Variants in MICAL3 observed in about 807,000 individuals in gnomAD.
MICAL3 encodes [F-actin]-monooxygenase MICAL3.
In MICAL3, 62 loss-of-function variants were observed where a neutral mutation model predicts 207.4. That is an observed-to-expected ratio of 0.30 (90% CI 0.24 to 0.37). The LOEUF is 0.37. Among genes scored for constraint, MICAL3 ranks in the 10% least tolerant of loss-of-function variants. The probability of loss-of-function intolerance (pLI) is 1.00; values close to 1 mark genes in which losing one functional copy is unlikely to be tolerated. For missense variants in MICAL3, 2,368 were observed against 2,635.6 expected (o/e 0.90, Z 2.22); for synonymous variants, 1,077 against 1,069.3 (o/e 1.01, Z -0.14).
intron 21 of MICAL3, among the ~76,000 whole-genome samples, chr22:17,830,633 C>A (rs534614600): frequency 1.8e-4 from 28 of 152,332 alleles, no homozygotes; most frequent in Non-Finnish European, 3.7e-4. Context: ...TCCGCAGACA[C>A]GGCAGCATGG....
At chr22:17,884,759 G>A (rs954484463) in intron 16 of MICAL3, among the ~76,000 whole-genome samples, 5 of 152,110 alleles carry the variant, frequency 3.3e-5, no homozygotes, top group Admixed American at 3.3e-4. Context: ...GGGCACCTGG[G>A]GCTGCCAGAG....
At position 17,841,289 on chromosome 22, in the gene MICAL3, C is replaced by T; in HGVS notation, c.2801+533G>A. 1 of 176,768 alleles carries T rather than the reference C, an allele frequency of 5.7e-6. No individual in the cohort carries two copies. The highest frequency in any genetic ancestry group is 1.4e-4 in the South Asian group (1 of 6,982). 10.9% of individuals were successfully genotyped at this position (176,768 alleles called of 1,614,324 possible). A position where few individuals can be genotyped will look rare whatever the true frequency, so the allele number is the denominator to read the frequency against. On this transcript the variant is annotated intron_variant, in intron 20 of 31. Coordinates refer to ENST00000441493, the MANE Select transcript of MICAL3 (RefSeq NM_015241.3). This position sits in a 1 kb window ranked among gnomAD's most constrained non-coding sequence, Gnocchi z 4.2. ...AGTCCTAGGGTTATAGCATGCACAT[C>T]CCCAAAGGTGTCACCCAGCTGGATG...
chr22:17,930,007 CAGA>C (rs1350878531), intron 1 of MICAL3, among the ~76,000 whole-genome samples: 6 of 152,140 alleles, frequency 3.9e-5, no homozygotes, highest in African/African-American at 1.4e-4. Context: ...GAAAAACGGG[CAGA>C]AGATTTGATC....
chr22:17,998,108 C>A (rs1322647834), intron 1 of MICAL3, among the ~76,000 whole-genome samples: 3 of 152,122 alleles, frequency 2.0e-5, no homozygotes, highest in Non-Finnish European at 4.4e-5. Context: ...TCGAGACCAG[C>A]CTGACCAACA....
intron 25 of MICAL3, among the ~76,000 whole-genome samples, chr22:17,820,187 A>C (rs1007374441): frequency 6.6e-5 from 10 of 151,530 alleles, no homozygotes; most frequent in Admixed American, 2.6e-4. Flanking sequence ...GCTTCCTAGA[A>C]TCCCAAAGAC....
Position 17,790,934 on chromosome 22 carries a change from C to A in MICAL3, c.5825-18G>T. The A allele has an allele frequency of 6.2e-7, 1 of 1,613,382 alleles. No homozygotes were observed. Among genetic ancestry groups the A allele is most frequent in the Non-Finnish European group, 8.5e-7 (1 of 1,179,838 alleles). On this transcript the variant is annotated intron_variant, in intron 31 of 31. Transcript: ENST00000441493. Reference sequence around the variant, plus strand: ...AAGGTGATCTTGAAGGAGAAGAAGGCATGAGGTGAGGGGCCTGGAGGTGGC... The same window carrying A: ...AAGGTGATCTTGAAGGAGAAGAAGGAATGAGGTGAGGGGCCTGGAGGTGGC...
intron 3 of MICAL3, among the ~76,000 whole-genome samples, chr22:17,903,397 G>A (rs1234908250): frequency 2.6e-5 from 4 of 152,170 alleles, no homozygotes; most frequent in African/African-American, 7.2e-5. Context: ...GCATGGCAGC[G>A]ACTTAAGGTG....
intron 1 of MICAL3, among the ~76,000 whole-genome samples, chr22:17,960,470 AG>A (rs1386179991): frequency 1.3e-5 from 2 of 152,218 alleles, no homozygotes; most frequent in African/African-American, 4.8e-5. Context: ...GCTTCGTTCT[AG>A]TGAGGGGACA....
intron 27 of MICAL3, chr22:17,813,263 G>A (rs997206141): frequency 6.6e-6 from 1 of 152,206 alleles, no homozygotes; most frequent in South Asian, 2.1e-4. Flanking sequence ...TGCTCTTGTG[G>A]TCTCACCAGC....
chr22:17,868,051 A>C (rs1927329182), intron 17 of MICAL3, among the ~76,000 whole-genome samples: 4 of 152,240 alleles, frequency 2.6e-5, no homozygotes, highest in African/African-American at 9.6e-5. Flanking sequence ...CTAATCAAAA[A>C]GTTCCAGAAA....
intron 1 of MICAL3, among the ~76,000 whole-genome samples, chr22:18,020,778 G>A (rs1385293641): frequency 4.0e-5 from 6 of 151,696 alleles, no homozygotes; most frequent in Non-Finnish European, 8.8e-5. Flanking sequence ...GCCGGGTATG[G>A]TGGTGGGCAC....
At chr22:17,926,640 T>C (rs1932934939) in intron 1 of MICAL3, among the ~76,000 whole-genome samples, 1 of 152,234 alleles carries the variant, frequency 6.6e-6, no homozygotes, top group African/African-American at 2.4e-5. Flanking sequence ...AAAACTGCCA[T>C]CTACCTAAGT....
chr22:17,914,821 T>C (rs1318480204), intron 1 of MICAL3, among the ~76,000 whole-genome samples: 6 of 152,250 alleles, frequency 3.9e-5, no homozygotes, highest in African/African-American at 9.6e-5. Context: ...TATGTATCAG[T>C]TGGCATTCTG....
intron 1 of MICAL3, among the ~76,000 whole-genome samples, chr22:17,927,120 C>G (rs1193551686): frequency 6.6e-6 from 1 of 152,178 alleles, no homozygotes; most frequent in Non-Finnish European, 1.5e-5. Context: ...TGGTTGTCAC[C>G]ATTCTACTCT....
intron 16 of MICAL3, among the ~76,000 whole-genome samples, chr22:17,874,877 T>G (rs1240438637): frequency 6.6e-6 from 1 of 151,594 alleles, no homozygotes; most frequent in East Asian, 1.9e-4. Flanking sequence ...TATGCTACCA[T>G]GCACATAGGA....
chr22:17,903,151 T>G (rs577493982), intron 3 of MICAL3, among the ~76,000 whole-genome samples: 69 of 152,346 alleles, frequency 4.5e-4, no homozygotes, highest in African/African-American at 1.7e-3. Context: ...GATGCAGAGC[T>G]GCTGCATGAC....
intron 17 of MICAL3, among the ~76,000 whole-genome samples, chr22:17,871,210 A>T (rs1927692408): frequency 6.6e-6 from 1 of 152,242 alleles, no homozygotes; most frequent in Non-Finnish European, 1.5e-5. Context: ...GTCTGTGTGC[A>T]GAATTCTCTA....
At chr22:17,993,208 G>A (rs1921891247) in intron 1 of MICAL3, among the ~76,000 whole-genome samples, 1 of 151,806 alleles carries the variant, frequency 6.6e-6, no homozygotes, top group African/African-American at 2.4e-5. Context: ...TGTTCCATAA[G>A]TTCATGTGCC....
intron 19 of MICAL3, among the ~76,000 whole-genome samples, chr22:17,843,879 C>T (rs1475180124): frequency 6.6e-6 from 1 of 152,046 alleles, no homozygotes; most frequent in Non-Finnish European, 1.5e-5. Context: ...CGGAGTCTCG[C>T]TCTGTCGCCC....
Sources: gnomAD v4.1 joint callset for allele counts (sites outside exome capture counted in the v4.1 genomes callset) on GRCh38, gnomAD v4.1.1 for gene constraint, Gnocchi (gnomAD v3.1) non-coding constraint, MANE v1.5 for transcripts, NCBI Gene and HGNC (gene_info 2026-07-23, HGNC 2026-07-21) for gene names.